The following SUGCT variants were observed in gnomAD, a reference collection of about 807,000 sequenced individuals.
SUGCT encodes succinyl-CoA:glutarate CoA-transferase.
A neutral mutation model predicts 55.0 loss-of-function variants in SUGCT; 41 were observed. The observed-to-expected ratio is 0.74, with a 90% CI of 0.58 to 0.97. The LOEUF is 0.97. SUGCT is among the 50% of genes least tolerant of loss of function. The pLI is 0.00. For missense variants in SUGCT, 568 were observed against 547.8 expected (o/e 1.04, Z -0.37); for synonymous variants, 187 against 200.4 (o/e 0.93, Z 0.56).
intron 7 of SUGCT, among the ~76,000 whole-genome samples, chr7:40,240,590 C>T (rs1353897232): frequency 1.3e-5 from 2 of 152,178 alleles, no homozygotes; most frequent in African/African-American, 4.8e-5. Flanking sequence ...ATTCCCTAAG[C>T]CTCTCAGCAG....
At chr7:40,198,887 G>A (rs1786438749) in intron 6 of SUGCT, among the ~76,000 whole-genome samples, 3 of 152,056 alleles carry the variant, frequency 2.0e-5, no homozygotes, top group Admixed American at 2.0e-4. Flanking sequence ...CCAGCTACTT[G>A]GAAGGATGAG....
rs112648266 is a variant in SUGCT at position 40,228,151 on chromosome 7, G to A, written c.485-9484G>A. Among the ~76,000 whole-genome samples, 376 of 152,216 alleles carry A rather than the reference G, an allele frequency of 2.5e-3. 1 individual carries two copies. The highest frequency in any genetic ancestry group is 8.2e-3 in the African/African-American group (341 of 41,562). On this transcript the variant is annotated intron_variant, in intron 6 of 13. Transcript: ENST00000335693. ...TCCCGCCTCCACCTCCCAAGGTGCTGGGATTACAGGTGTGAGCCACTGCAC... is the reference window on the plus strand; with the variant it reads ...TCCCGCCTCCACCTCCCAAGGTGCTAGGATTACAGGTGTGAGCCACTGCAC...
the SUGCT span, among the ~76,000 whole-genome samples, chr7:40,887,819 A>G: frequency 6.6e-6 from 1 of 152,208 alleles, no homozygotes; most frequent in Non-Finnish European, 1.5e-5. Context: ...AGGAGAAGGC[A>G]GAGCCAGTAA....
chr7:41,031,710 T>G, the SUGCT span, among the ~76,000 whole-genome samples: 1 of 152,278 alleles, frequency 6.6e-6, no homozygotes, highest in East Asian at 1.9e-4. Context: ...AGATCATACT[T>G]ACCATTTCTC....
chr7:40,562,513 C>T (rs1330555361), intron 12 of SUGCT, among the ~76,000 whole-genome samples: 2 of 151,810 alleles, frequency 1.3e-5, no homozygotes, highest in African/African-American at 2.4e-5. Flanking sequence ...TTTTCTGCTG[C>T]GTGAGGAGAT....
At chr7:40,211,612 A>G (rs1173677922) in intron 6 of SUGCT, among the ~76,000 whole-genome samples, 1 of 152,206 alleles carries the variant, frequency 6.6e-6, no homozygotes, top group African/African-American at 2.4e-5. Context: ...GTAGTATCTA[A>G]GACAACAAAA....
chr7:40,306,801 T>C (rs566042038), intron 8 of SUGCT, among the ~76,000 whole-genome samples: 24 of 152,228 alleles, frequency 1.6e-4, no homozygotes, highest in Non-Finnish European at 2.9e-4. Flanking sequence ...CTTTGAGTCA[T>C]GTGATTGACT....
chr7:41,022,186 A>G, the SUGCT span, among the ~76,000 whole-genome samples: 2 of 152,182 alleles, frequency 1.3e-5, no homozygotes, highest in African/African-American at 2.4e-5. Context: ...AAAGACAGGC[A>G]GAAGGTCTTA....
chr7:40,553,550 C>A (rs1795411939), intron 12 of SUGCT, among the ~76,000 whole-genome samples: 1 of 152,120 alleles, frequency 6.6e-6, no homozygotes, highest in South Asian at 2.1e-4. Flanking sequence ...CATGTGATTT[C>A]TTTCTAAATA....
the SUGCT span, among the ~76,000 whole-genome samples, chr7:40,875,307 G>T: frequency 6.6e-6 from 1 of 152,188 alleles, no homozygotes; most frequent in Non-Finnish European, 1.5e-5. Flanking sequence ...TCCATGGGGA[G>T]GATGTGCTTC....
the SUGCT span, among the ~76,000 whole-genome samples, chr7:40,879,721 C>A: frequency 1.3e-5 from 2 of 152,288 alleles, no homozygotes; most frequent in East Asian, 3.9e-4. Flanking sequence ...ACAGCTATAA[C>A]ATAAAGGATT....
chr7:40,695,165 A>G (rs1191326657), intron 12 of SUGCT, among the ~76,000 whole-genome samples: 7 of 135,510 alleles, frequency 5.2e-5, no homozygotes, highest in Non-Finnish European at 1.6e-5. Flanking sequence ...CTAAACCCTT[A>G]TTTTTATTTA....
intron 12 of SUGCT, among the ~76,000 whole-genome samples, chr7:40,531,223 AG>A (rs1794064368): frequency 6.6e-6 from 1 of 152,220 alleles, no homozygotes; most frequent in African/African-American, 2.4e-5. Flanking sequence ...GCTGAAAAGT[AG>A]GATTTAGGGG....
In SUGCT at chr7:40,509,011, G is replaced by T. The variant is rs180975121; in HGVS notation, c.1089+12625G>T. ...TTTTTTTTGAAAGAAAAGTGTGGAC[G>T]TTTTACAGTAGTGTGTTTGGAGTAA... On this transcript the variant is annotated intron_variant, in intron 12 of 13. Transcript: ENST00000335693. 1.5e-3 allele frequency among the ~76,000 whole-genome samples: 234 copies of T among 151,996 alleles called. 1 individual carries two copies. Among genetic ancestry groups the T allele is most frequent in the African/African-American group, 5.0e-3 (206 of 41,450 alleles).
At chr7:40,868,412 C>T in the SUGCT span, among the ~76,000 whole-genome samples, 1 of 152,102 alleles carries the variant, frequency 6.6e-6, no homozygotes. Flanking sequence ...TGAGAACATG[C>T]GGTGTTTGGT....
chr7:40,585,359 C>T (rs908693085), intron 12 of SUGCT, among the ~76,000 whole-genome samples: 1 of 152,110 alleles, frequency 6.6e-6, no homozygotes, highest in Non-Finnish European at 1.5e-5. Context: ...TCGTTGTTGT[C>T]GTCTTTGTTT....
chr7:40,970,955 T>C, the SUGCT span, among the ~76,000 whole-genome samples: 1 of 152,186 alleles, frequency 6.6e-6, no homozygotes, highest in African/African-American at 2.4e-5. Flanking sequence ...GACTTACGTT[T>C]TTAAAAAATC....
chr7:40,383,612 G>A (rs928033026), intron 9 of SUGCT, among the ~76,000 whole-genome samples: 1 of 152,196 alleles, frequency 6.6e-6, no homozygotes, highest in African/African-American at 2.4e-5. Context: ...AATTTAGAGA[G>A]TAACATGATA....
intron 12 of SUGCT, among the ~76,000 whole-genome samples, chr7:40,521,735 A>G (rs1253105924): frequency 6.6e-6 from 1 of 152,056 alleles, no homozygotes; most frequent in Non-Finnish European, 1.5e-5. Flanking sequence ...AGTGTCTGAA[A>G]TTGGGGAATA....
Sources: allele counts gnomAD v4.1 joint callset (sites outside exome capture counted in the v4.1 genomes callset), GRCh38; gene constraint gnomAD v4.1.1; transcripts MANE v1.5; gene names NCBI Gene and HGNC (gene_info 2026-07-23, HGNC 2026-07-21).